Variants in PRKG1 observed in about 807,000 individuals in gnomAD.
PRKG1 encodes protein kinase cGMP-dependent 1.
PRKG1 carries 35 observed loss-of-function variants against 88.1 expected under a neutral mutation model. The ratio of observed to expected loss-of-function variants is 0.40; its 90% CI spans 0.30 to 0.53. The LOEUF (loss-of-function observed/expected upper bound fraction) is 0.53. Among genes scored for constraint, PRKG1 ranks in the 20% least tolerant of loss-of-function variants. The pLI is 0.59. For synonymous variants in PRKG1, 303 were observed against 292.5 expected (o/e 1.04, Z -0.37); for missense variants, 540 against 839.8 (o/e 0.64, Z 4.41).
intron 2 of PRKG1, among the ~76,000 whole-genome samples, chr10:51,271,187 A>T (rs1915676): frequency 0.13 from 20,055 of 152,034 alleles, 2,440 homozygotes; most frequent in African/African-American, 0.33. Flanking sequence ...GAAGCTATAT[A>T]TGACTAGATG....
chr10:52,113,932 G>A (rs114574562), intron 7 of PRKG1, among the ~76,000 whole-genome samples: 2,753 of 152,190 alleles, frequency 0.018, 82 homozygotes, highest in African/African-American at 0.059. Context: ...AAATCGCTAA[G>A]TAATTAGCTT....
chr10:51,689,351 T>C (rs1049792013), intron 3 of PRKG1, among the ~76,000 whole-genome samples: 1 of 152,210 alleles, frequency 6.6e-6, no homozygotes, highest in Non-Finnish European at 1.5e-5. Flanking sequence ...ACACATTATC[T>C]ATACCTATGT....
At chr10:51,432,323 C>A (rs994699086) in intron 2 of PRKG1, among the ~76,000 whole-genome samples, 1 of 152,008 alleles carries the variant, frequency 6.6e-6, no homozygotes, top group African/African-American at 2.4e-5. Flanking sequence ...ATAACCATAA[C>A]TAGTTTAAGT....
intron 3 of PRKG1, among the ~76,000 whole-genome samples, chr10:51,716,110 A>G (rs1026625013): frequency 6.6e-6 from 1 of 152,152 alleles, no homozygotes. Context: ...GTGAAATGAA[A>G]CACTTCATTC....
Position 51,115,098 on chromosome 10 carries a change from G to A in PRKG1, c.312-38066G>A, listed in dbSNP as rs552826590. On this transcript the variant is annotated intron_variant, in intron 1 of 17. Transcript: ENST00000373980. ...TGGGAGGCTGAGGCGGGCAGATCAC[G>A]AGGTCAGGAGTTCGAGACTAGCCTG... 5.3e-5 allele frequency among the ~76,000 whole-genome samples: 8 copies of A among 151,536 alleles called. No individual in the cohort carries two copies. The East Asian group carries it at 7.9e-4, about 15-fold the overall frequency.
At chr10:51,703,373 A>G (rs1394064257) in intron 3 of PRKG1, among the ~76,000 whole-genome samples, 1 of 152,234 alleles carries the variant, frequency 6.6e-6, no homozygotes, top group African/African-American at 2.4e-5. Context: ...CCTTCAAGGA[A>G]TAGCTCAAAT....
At position 51,305,584 on chromosome 10, in the gene PRKG1, C is replaced by A. The variant is rs967299006; in HGVS notation, c.478+152254C>A. 3.9e-5 allele frequency among the ~76,000 whole-genome samples: 6 copies of A among 152,240 alleles called. No homozygotes were observed. The South Asian group carries it at 1.2e-3, about 32-fold the overall frequency. On this transcript the variant is annotated intron_variant, in intron 2 of 17. Coordinates refer to ENST00000373980, the MANE Select transcript of PRKG1 (RefSeq NM_006258.4). Reference sequence around the variant, plus strand: ...TACCTTGCAGAAGCCTTTCAATTGGCCTTTAGGGCAGCATGAACAGAATGT... The same window carrying A: ...TACCTTGCAGAAGCCTTTCAATTGGACTTTAGGGCAGCATGAACAGAATGT...
At chr10:51,524,587 G>T (rs1012243783) in intron 3 of PRKG1, among the ~76,000 whole-genome samples, 1 of 152,014 alleles carries the variant, frequency 6.6e-6, no homozygotes, top group Non-Finnish European at 1.5e-5. Context: ...TAGCTCTTGT[G>T]CCATACAAAC....
intron 2 of PRKG1, among the ~76,000 whole-genome samples, chr10:51,170,757 G>A (rs1846682135): frequency 7.1e-6 from 1 of 141,082 alleles, no homozygotes; most frequent in Non-Finnish European, 1.5e-5. Flanking sequence ...GTGAGTCATT[G>A]CAGGGGTGGG....
intron 2 of PRKG1, among the ~76,000 whole-genome samples, chr10:51,386,490 G>A (rs1274671707): frequency 6.6e-6 from 1 of 152,144 alleles, no homozygotes; most frequent in East Asian, 1.9e-4. Flanking sequence ...CCCAAGAACA[G>A]TGCATGCTTC....
At chr10:51,809,387 T>C (rs1039362409) in intron 4 of PRKG1, among the ~76,000 whole-genome samples, 2 of 152,218 alleles carry the variant, frequency 1.3e-5, no homozygotes, top group African/African-American at 2.4e-5. Context: ...TTCTGTCATC[T>C]TTGGCTACTA....
intron 3 of PRKG1, among the ~76,000 whole-genome samples, chr10:51,584,094 T>G (rs765794748): frequency 6.6e-6 from 1 of 152,104 alleles, no homozygotes; most frequent in Non-Finnish European, 1.5e-5. Context: ...TTCCCAGGTA[T>G]TTTTGGAGAA....
At chr10:52,084,411 A>G (rs1305157095) in intron 7 of PRKG1, among the ~76,000 whole-genome samples, 1 of 152,024 alleles carries the variant, frequency 6.6e-6, no homozygotes, top group Non-Finnish European at 1.5e-5. Context: ...CTTGAGATAT[A>G]TTGCCATGTT....
At chr10:51,773,031 C>A (rs1361109038) in intron 3 of PRKG1, among the ~76,000 whole-genome samples, 1 of 152,016 alleles carries the variant, frequency 6.6e-6, no homozygotes, top group Non-Finnish European at 1.5e-5. Context: ...ATGGACCATA[C>A]AAAGTCATTG....
chr10:52,192,236 C>T (rs887483131), intron 9 of PRKG1, among the ~76,000 whole-genome samples: 4 of 151,996 alleles, frequency 2.6e-5, no homozygotes, highest in African/African-American at 9.7e-5. Context: ...CCCTTGTTTT[C>T]TAGACAGTAA....
At chr10:51,869,859 T>C (rs1297458632) in intron 4 of PRKG1, among the ~76,000 whole-genome samples, 2 of 152,200 alleles carry the variant, frequency 1.3e-5, no homozygotes, top group Non-Finnish European at 2.9e-5. Context: ...AAAATATGTT[T>C]GTGAATTATA....
At chr10:51,427,684 A>G (rs1023885605) in intron 2 of PRKG1, among the ~76,000 whole-genome samples, 1 of 152,162 alleles carries the variant, frequency 6.6e-6, no homozygotes, top group Non-Finnish European at 1.5e-5. Flanking sequence ...CTGCTAGTGA[A>G]AGTGTGATCC....
At chr10:52,005,251 C>CTTTTTTTT (rs10595402) in intron 5 of PRKG1, among the ~76,000 whole-genome samples, 1 of 117,774 alleles carries the variant, frequency 8.5e-6, no homozygotes. Context: ...TAATGCCCAT[C>CTTTTTTTT]TTTTTTTTTT....
chr10:51,946,091 A>C (rs566407922), intron 5 of PRKG1, among the ~76,000 whole-genome samples: 3 of 151,860 alleles, frequency 2.0e-5, no homozygotes, highest in Non-Finnish European at 4.4e-5. Flanking sequence ...TTTCATTCAG[A>C]TACACCAATC....
Sources: gnomAD v4.1 joint callset for allele counts (sites outside exome capture counted in the v4.1 genomes callset) on GRCh38, gnomAD v4.1.1 for gene constraint, MANE v1.5 for transcripts, NCBI Gene and HGNC (gene_info 2026-07-23, HGNC 2026-07-21) for gene names.